GNG7: variants seen among roughly 807,000 people sequenced by gnomAD.
GNG7 encodes guanine nucleotide-binding protein G(I)/G(S)/G(O) subunit gamma-7.
Under a neutral mutation model 4.0 loss-of-function variants are expected in GNG7, and 1 was observed. The ratio of observed to expected loss-of-function variants is 0.25; its 90% CI spans 0.09 to 1.18. The LOEUF is 1.18. Ranked by LOEUF, GNG7 falls within the 50% of genes most tolerant of loss-of-function variation. GNG7 has a pLI of 0.50. For synonymous variants in GNG7, 34 were observed against 36.9 expected, an observed-to-expected ratio of 0.92 and a Z score of 0.29; for missense variants, 86 against 91.9, an observed-to-expected ratio of 0.94 and a Z score of 0.26.
At chr19:2,686,994 C>T (rs1268735098) in intron 1 of GNG7, among the ~76,000 whole-genome samples, 7 of 151,392 alleles carry the variant, frequency 4.6e-5, no homozygotes, top group East Asian at 3.9e-4. Context: ...CCTCGTGATC[C>T]GCCCGCCTCG....
At chr19:2,624,731 C>A (rs539788229) in intron 2 of GNG7, among the ~76,000 whole-genome samples, 1 of 152,208 alleles carries the variant, frequency 6.6e-6, no homozygotes, top group East Asian at 1.9e-4. Flanking sequence ...GGAGGCTGAG[C>A]CCAGCAGTGC....
chr19:2,672,397 C>G (rs1568280872), intron 1 of GNG7, among the ~76,000 whole-genome samples: 1 of 152,026 alleles, frequency 6.6e-6, no homozygotes, highest in African/African-American at 2.4e-5. Flanking sequence ...CTCAAGCAAT[C>G]CTCCTGCTTC....
At chr19:2,519,659 ACCGT>A (rs1339048357) in intron 4 of GNG7, among the ~76,000 whole-genome samples, 2 of 148,604 alleles carry the variant, frequency 1.3e-5, no homozygotes, top group Non-Finnish European at 3.0e-5. Context: ...ACAGCAGGTG[ACCGT>A]CTGTAATGCA....
At chr19:2,553,502 ATC>A (rs145730820) in intron 3 of GNG7, among the ~76,000 whole-genome samples, 3,775 of 147,604 alleles carry the variant, frequency 0.026, 139 homozygotes, top group East Asian at 0.18. Context: ...TTATATGTAC[ATC>A]TCATTACATA....
intron 2 of GNG7, among the ~76,000 whole-genome samples, chr19:2,575,440 G>A (rs1334317817): frequency 2.6e-5 from 4 of 152,202 alleles, no homozygotes; most frequent in East Asian, 1.9e-4. Flanking sequence ...AAAGCAGAAC[G>A]GGCGCCTCCT....
At chr19:2,674,119 C>T (rs1325859056) in intron 1 of GNG7, among the ~76,000 whole-genome samples, 1 of 152,104 alleles carries the variant, frequency 6.6e-6, no homozygotes, top group Non-Finnish European at 1.5e-5. Flanking sequence ...TAAAAACTAG[C>T]CAGGTGTAGT....
intron 3 of GNG7, among the ~76,000 whole-genome samples, chr19:2,530,296 C>T (rs999823400): frequency 3.3e-5 from 5 of 151,712 alleles, no homozygotes; most frequent in African/African-American, 1.2e-4. Context: ...GCCTGTAGTC[C>T]CAGCTACTTG....
chr19:2,565,207 T>G (rs1355096539), intron 2 of GNG7, among the ~76,000 whole-genome samples: 2 of 151,808 alleles, frequency 1.3e-5, no homozygotes, highest in Non-Finnish European at 2.9e-5. Context: ...GTGTGCACCC[T>G]GCAGGCTCAA....
chr19:2,559,571 A>G (rs1307152432), intron 2 of GNG7, among the ~76,000 whole-genome samples: 1 of 151,788 alleles, frequency 6.6e-6, no homozygotes, highest in Non-Finnish European at 1.5e-5. Context: ...GCTGGAGTAC[A>G]ATGGTGGATG....
At chr19:2,675,517 G>A (rs1983572010) in intron 1 of GNG7, among the ~76,000 whole-genome samples, 1 of 152,238 alleles carries the variant, frequency 6.6e-6, no homozygotes, top group African/African-American at 2.4e-5. Context: ...TGGTTAAAGA[G>A]TAGAGAATAT....
At chr19:2,701,240 A>G (rs1434596238) in intron 1 of GNG7, 1 of 151,794 alleles carries the variant, frequency 6.6e-6, no homozygotes, top group Non-Finnish European at 1.5e-5. Context: ...ATCTCCCCCA[A>G]AAGTAGAGGG....
chr19:2,530,881 G>T (rs1369110676), intron 3 of GNG7, among the ~76,000 whole-genome samples: 1 of 152,174 alleles, frequency 6.6e-6, no homozygotes, highest in African/African-American at 2.4e-5. Context: ...TTGCTGAGAG[G>T]CCGAGTGATA....
chr19:2,527,368 G>A (rs1048090340), intron 3 of GNG7, among the ~76,000 whole-genome samples: 17 of 152,250 alleles, frequency 1.1e-4, no homozygotes, highest in Admixed American at 1.0e-3. Flanking sequence ...TTTTGGTGTC[G>A]CGCATCCCTC....
rs917888135 is a variant in GNG7, at chr19:2,633,383, A to C, written c.-78+12841T>G. 1.3e-5 allele frequency among the ~76,000 whole-genome samples: 2 copies of C among 152,108 alleles called. No homozygotes were observed. The highest frequency in any genetic ancestry group is 4.8e-5 in the African/African-American group (2 of 41,424). On this transcript the variant is annotated intron_variant, in intron 2 of 4. Coordinates refer to ENST00000382159, the MANE Select transcript of GNG7 (RefSeq NM_052847.3). The surrounding 1 kb of genome is among the most constrained non-coding windows in gnomAD (Gnocchi z 5.9). ...GTGTATTTTGAGTCAAAGGCGGCCAAGGCTCGATGAATCTGCCGATGACCA... is the reference window on the plus strand; with the variant it reads ...GTGTATTTTGAGTCAAAGGCGGCCACGGCTCGATGAATCTGCCGATGACCA...
intron 2 of GNG7, among the ~76,000 whole-genome samples, chr19:2,576,082 CACACACACAG>C (rs1980329241): frequency 2.7e-5 from 2 of 74,984 alleles, no homozygotes; most frequent in African/African-American, 3.3e-4. Context: ...GACATGCAGA[CACACACACAG>C]ACACACACAG....
At chr19:2,662,359 G>GTTCAA (rs1568278227) in intron 1 of GNG7, among the ~76,000 whole-genome samples, 1 of 151,596 alleles carries the variant, frequency 6.6e-6, no homozygotes, top group Non-Finnish European at 1.5e-5. Context: ...ATTCGATTCA[G>GTTCAA]TTCAATTCAA....
At chr19:2,527,154 T>C (rs1346009124) in intron 3 of GNG7, among the ~76,000 whole-genome samples, 1 of 152,172 alleles carries the variant, frequency 6.6e-6, no homozygotes, top group Non-Finnish European at 1.5e-5. Flanking sequence ...CTATCTTAAC[T>C]TTTTATTTTG....
chr19:2,625,605 C>G (rs1982000681), intron 2 of GNG7, among the ~76,000 whole-genome samples: 1 of 152,060 alleles, frequency 6.6e-6, no homozygotes, highest in African/African-American at 2.4e-5. Flanking sequence ...CATGGGTCAC[C>G]CATGCCCCTC....
chr19:2,599,803 G>A (rs1981145304), intron 2 of GNG7, among the ~76,000 whole-genome samples: 1 of 152,024 alleles, frequency 6.6e-6, no homozygotes, highest in Non-Finnish European at 1.5e-5. Flanking sequence ...CGGGGGTGGT[G>A]GTGCTGGCCT....
Sources: allele counts gnomAD v4.1 joint callset (sites outside exome capture counted in the v4.1 genomes callset), GRCh38; gene constraint gnomAD v4.1.1; non-coding constraint Gnocchi (gnomAD v3.1); transcripts MANE v1.5; gene names NCBI Gene and HGNC (gene_info 2026-07-23, HGNC 2026-07-21).